SHC4: variants seen among roughly 807,000 people sequenced by gnomAD.
SHC4 encodes SHC-transforming protein 4.
SHC4 carries 41 observed loss-of-function variants against 69.4 expected under a neutral mutation model. The observed-to-expected ratio is 0.59, with a 90% CI of 0.46 to 0.77. SHC4 has a LOEUF of 0.77. Among genes scored for constraint, SHC4 ranks in the 30% least tolerant of loss-of-function variants. The pLI is 0.00. For synonymous variants in SHC4, 318 were observed against 299.3 expected (o/e 1.06, Z -0.64); for missense variants, 777 against 783.8 (o/e 0.99, Z 0.10).
intron 6 of SHC4, among the ~76,000 whole-genome samples, chr15:48,862,432 T>C (rs968926805): frequency 1.3e-5 from 2 of 152,182 alleles, no homozygotes; most frequent in African/African-American, 4.8e-5. Flanking sequence ...CTTAACCTTT[T>C]CTATAAAAAA....
chr15:48,872,243 C>G (rs1022732989), intron 4 of SHC4, 101 bp from the exon 5 acceptor site: 3 of 693,676 alleles, frequency 4.3e-6, no homozygotes, highest in Non-Finnish European at 6.9e-6. Flanking sequence ...TTGTTTTTGC[C>G]TGATCAGCAT....
intron 1 of SHC4, among the ~76,000 whole-genome samples, chr15:48,949,046 C>T (rs116030895): frequency 0.044 from 6,623 of 152,196 alleles, 493 homozygotes; most frequent in African/African-American, 0.15. Context: ...TGGCATCTCT[C>T]CCATCCCATC....
In SHC4 at chr15:48,884,233, C is replaced by A; in HGVS notation, c.840+15G>T. 6.3e-7 allele frequency: 1 copy of A among 1,583,558 alleles called. No individual in the cohort carries two copies. Among genetic ancestry groups the A allele is most frequent in the Non-Finnish European group, 8.5e-7 (1 of 1,170,558 alleles). On this transcript the variant is annotated intron_variant, in intron 4 of 11. Transcript: ENST00000332408. ...AATAGATATGTTTATCTATAAATGA[C>A]ATTTGTGATCTTACCTGTTGGTTGT...
intron 5 of SHC4, among the ~76,000 whole-genome samples, chr15:48,870,245 C>G (rs1399340229): frequency 6.6e-6 from 1 of 152,182 alleles, no homozygotes; most frequent in Non-Finnish European, 1.5e-5. Context: ...GTTGACCCTC[C>G]CTGCCAGCCA....
chr15:48,935,875 C>G (rs1901060182), intron 1 of SHC4, among the ~76,000 whole-genome samples: 1 of 151,980 alleles, frequency 6.6e-6, no homozygotes, highest in African/African-American at 2.4e-5. Flanking sequence ...TCTTATAGCA[C>G]CTTTGAATGC....
chr15:48,954,596 A>G (rs981023101), intron 1 of SHC4, among the ~76,000 whole-genome samples: 3 of 152,242 alleles, frequency 2.0e-5, no homozygotes, highest in African/African-American at 7.2e-5. Flanking sequence ...GGACTAGCGG[A>G]TAAACATTAG....
chr15:48,849,266 A>G (rs1239083733), intron 9 of SHC4, among the ~76,000 whole-genome samples: 1 of 150,538 alleles, frequency 6.6e-6, no homozygotes, highest in Non-Finnish European at 1.5e-5. Flanking sequence ...TCCCTTTCCT[A>G]CTTCCTTCCT....
rs1898884061 is a variant in SHC4 at position 48,835,627 on chromosome 15, G to A, written c.1484-605C>T. On this transcript the variant is annotated intron_variant, in intron 10 of 11. Coordinates refer to ENST00000332408, the MANE Select transcript of SHC4 (RefSeq NM_203349.4). ...TGCCTGGACAAAAACAGTTGATGAGGTAAAAGAAGACAAATCATCAGGGAG... is the reference window on the plus strand; with the variant it reads ...TGCCTGGACAAAAACAGTTGATGAGATAAAAGAAGACAAATCATCAGGGAG... Among the ~76,000 whole-genome samples, 3 of 152,212 alleles carry A rather than the reference G, an allele frequency of 2.0e-5. No homozygotes were observed. In the South Asian group the frequency reaches 6.2e-4, roughly 32 times the overall value.
At chr15:48,960,066 G>C (rs1191107420) in intron 1 of SHC4, among the ~76,000 whole-genome samples, 4 of 152,232 alleles carry the variant, frequency 2.6e-5, no homozygotes, top group Non-Finnish European at 4.4e-5. Context: ...TCATTAGCTT[G>C]TATCGGACAT....
At chr15:48,953,186 T>C (rs947051173) in intron 1 of SHC4, among the ~76,000 whole-genome samples, 6 of 152,194 alleles carry the variant, frequency 3.9e-5, no homozygotes, top group African/African-American at 7.2e-5. Flanking sequence ...AAATACTGCA[T>C]GTTCTCACTT....
chr15:48,834,312 C>T (rs997959046), intron 11 of SHC4, among the ~76,000 whole-genome samples: 2 of 152,070 alleles, frequency 1.3e-5, no homozygotes, highest in African/African-American at 4.8e-5. Flanking sequence ...TATAAGAAAC[C>T]TTCTTAGTTT....
At chr15:48,878,141 T>G (rs1899855564) in intron 4 of SHC4, 2 of 1,518,946 alleles carry the variant, frequency 1.3e-6, no homozygotes, top group Non-Finnish European at 1.8e-6. Flanking sequence ...TCTGTCTTGC[T>G]GGAAGCTTTT....
intron 2 of SHC4, among the ~76,000 whole-genome samples, chr15:48,900,663 G>A (rs1452404036): frequency 6.6e-6 from 1 of 152,108 alleles, no homozygotes; most frequent in Non-Finnish European, 1.5e-5. Flanking sequence ...AGGTCATCCT[G>A]GAGGCAGCAA....
In SHC4 at chr15:48,962,529, A is replaced by G. The variant is rs1901560680; in HGVS notation, c.487T>C (p.Cys163Arg). The G allele has an allele frequency of 1.3e-6, 2 of 1,594,058 alleles. No individual in the cohort carries two copies. Among genetic ancestry groups the G allele is most frequent in the African/African-American group, 1.3e-5 (1 of 74,402 alleles). ...HRATALTPDS[C>R]PLPGPGEPTL... ...GGCTCCCCAGGGCCAGGAAGCGGGC[A>G]CGAATCAGGGGTTAGGGCGGTTGCC... The change falls in exon 1 of 12, where the codon TGC becomes CGC. Residue 163 changes from cysteine (C) to arginine (R), a missense_variant. Transcript: ENST00000332408.
At chr15:48,951,387 C>T (rs76607682) in intron 1 of SHC4, among the ~76,000 whole-genome samples, 5,635 of 152,072 alleles carry the variant, frequency 0.037, 353 homozygotes, top group African/African-American at 0.13. Context: ...CTTCTGGTTG[C>T]CTTTCTCCAG....
At chr15:48,850,742 A>G (rs1236958854) in intron 9 of SHC4, among the ~76,000 whole-genome samples, 1 of 152,230 alleles carries the variant, frequency 6.6e-6, no homozygotes, top group African/African-American at 2.4e-5. Context: ...AAGCTCCTAA[A>G]TGAGATTCTC....
intron 2 of SHC4, among the ~76,000 whole-genome samples, chr15:48,896,341 G>C (rs1244099704): frequency 8.2e-6 from 1 of 122,678 alleles, no homozygotes; most frequent in African/African-American, 3.1e-5. Context: ...TTTTTTTTGA[G>C]ACGGAGTCTC....
intron 2 of SHC4, among the ~76,000 whole-genome samples, chr15:48,922,998 T>C (rs1270015405): frequency 1.3e-5 from 2 of 152,196 alleles, no homozygotes; most frequent in Non-Finnish European, 2.9e-5. Flanking sequence ...ATGAATTTAT[T>C]CAGTAAATAT....
chr15:48,847,124 G>A (rs962439937), intron 9 of SHC4, among the ~76,000 whole-genome samples: 4 of 151,020 alleles, frequency 2.6e-5, no homozygotes, highest in African/African-American at 9.8e-5. Context: ...AATCATTCTA[G>A]GCTGAAGTGT....
Sources: allele counts gnomAD v4.1 joint callset (sites outside exome capture counted in the v4.1 genomes callset), GRCh38; gene constraint gnomAD v4.1.1; transcripts MANE v1.5; gene names NCBI Gene and HGNC (gene_info 2026-07-23, HGNC 2026-07-21).